BOP1: variants seen among roughly 807,000 people sequenced by gnomAD.
BOP1 encodes BOP1 ribosomal biogenesis factor.
A neutral mutation model predicts 82.9 loss-of-function variants in BOP1; 54 were observed. The observed-to-expected ratio is 0.65, with a 90% CI of 0.52 to 0.82. BOP1 has a LOEUF of 0.82. Ranked by LOEUF, BOP1 falls within the 40% of genes least tolerant of loss-of-function variation. BOP1 has a pLI of 0.00. For synonymous variants in BOP1, 566 were observed against 451.1 expected (o/e 1.25, Z -3.23); for missense variants, 1,170 against 1,072.0 (o/e 1.09, Z -1.28).
chr8:144,273,035 T>C (rs984224193), intron 3 of BOP1, among the ~76,000 whole-genome samples: 2 of 152,002 alleles, frequency 1.3e-5, no homozygotes, highest in East Asian at 2.0e-4. Context: ...GCCAGGGAGA[T>C]TGGGGCGGTC....
rs1260884041 is a variant in BOP1, at chr8:144,266,442, G to C, written c.391-1371C>G. On this transcript the variant is annotated intron_variant, in intron 3 of 15. Coordinates refer to ENST00000569669, the MANE Select transcript of BOP1 (RefSeq NM_015201.5). ...ACGCCGCTATAAAGGCGCAGCTCGG[G>C]GCCCCGCTCCGGCCCGGGACGCACA... is the stretch of plus-strand genomic sequence containing the variant. 9 of 940,586 alleles carry C rather than the reference G, an allele frequency of 9.6e-6. No individual in the cohort carries two copies. The Admixed American group carries it at 5.5e-4, about 58-fold the overall frequency. The allele number at this position is 940,586 out of a possible 1,614,324, so 58.3% of individuals were successfully genotyped here. A position where few individuals can be genotyped will look rare whatever the true frequency, so the allele number is the denominator to read the frequency against.
chr8:144,289,184 C>T lies in BOP1; in HGVS notation c.220G>A (p.Asp74Asn), dbSNP rs1814965683. Residue 74 changes from aspartate (D) to asparagine (N), a missense_variant, in exon 2 of 16, where the codon GAT (aspartate) becomes AAT (asparagine). Asp to Asn is a conservative substitution (Grantham distance 23). Transcript: ENST00000569669. ...EDSGSDSSED[D>N]DEGDEEGEDG... ...TCTCCCTCCTCGTCGCCTTCGTCATCATCCTCACTGCTGTCACTGCCGGAA... is the reference window on the plus strand; with the variant it reads ...TCTCCCTCCTCGTCGCCTTCGTCATTATCCTCACTGCTGTCACTGCCGGAA... 1 of 1,614,246 alleles carries T rather than the reference C, an allele frequency of 6.2e-7. No homozygotes were observed. The highest frequency in any genetic ancestry group is 2.2e-5 in the East Asian group (1 of 44,890).
At chr8:144,286,582 A>G (rs994330178) in intron 2 of BOP1, among the ~76,000 whole-genome samples, 1 of 144,258 alleles carries the variant, frequency 6.9e-6, no homozygotes, top group African/African-American at 2.6e-5. Context: ...ACACGCGGGC[A>G]GATGCACGGG....
chr8:144,264,220 C>G lies in BOP1; in HGVS notation c.978+5G>C. The G allele has an allele frequency of 6.2e-7, 1 of 1,607,198 alleles. No individual in the cohort carries two copies. The highest frequency in any genetic ancestry group is 8.5e-7 in the Non-Finnish European group (1 of 1,177,862). On this transcript the variant is annotated splice_donor_5th_base_variant and intron_variant, in intron 7 of 15. Transcript: ENST00000569669. Reference sequence around the variant, plus strand: ...AGGGTCCCGGCCCCCAGGATGCAGGCCCACCTCCTCCTCGCTGAGCAGGTA... The same window carrying G: ...AGGGTCCCGGCCCCCAGGATGCAGGGCCACCTCCTCCTCGCTGAGCAGGTA...
At chr8:144,270,333 GT>G (rs1845472262) in intron 3 of BOP1, among the ~76,000 whole-genome samples, 1 of 152,162 alleles carries the variant, frequency 6.6e-6, no homozygotes, top group Non-Finnish European at 1.5e-5. Context: ...GTGGACTGGG[GT>G]CAGAGTTTGG....
chr8:144,263,177 G>A (rs12549653), intron 12 of BOP1, 36 bp from the exon 13 acceptor site: 701,563 of 1,590,188 alleles, frequency 0.44, 160,767 homozygotes, highest in East Asian at 0.66. Context: ...TGGCTGAGCC[G>A]GGCCCCTCCC....
At chr8:144,268,164 G>A in intron 3 of BOP1, 2 of 1,550,472 alleles carry the variant, frequency 1.3e-6, no homozygotes, top group Non-Finnish European at 8.7e-7. Flanking sequence ...CAGCAGCCAG[G>A]AGGCAGACGC....
intron 3 of BOP1, chr8:144,266,096 G>C (rs1379112035): frequency 1.3e-5 from 2 of 152,472 alleles, no homozygotes; most frequent in Non-Finnish European, 2.9e-5. Context: ...GGGAGGCAAA[G>C]ACAGACAGGG....
chr8:144,268,530 CCCAGCCT>C (rs1197495433), intron 3 of BOP1: 12 of 291,468 alleles, frequency 4.1e-5, no homozygotes, highest in Non-Finnish European at 7.7e-5. Flanking sequence ...ACCCCCAGCC[CCCAGCCT>C]GAGCCTCCAT....
chr8:144,269,850 G>A (rs1327048834), intron 3 of BOP1, among the ~76,000 whole-genome samples: 24 of 152,276 alleles, frequency 1.6e-4, no homozygotes, highest in Middle Eastern at 3.4e-3. Flanking sequence ...GCACCAAGGC[G>A]CTGGTGAGTG....
chr8:144,267,381 G>C (rs1554837323), intron 3 of BOP1, among the ~76,000 whole-genome samples: 1 of 152,140 alleles, frequency 6.6e-6, no homozygotes, highest in Non-Finnish European at 1.5e-5. Context: ...TCGGCTCCCA[G>C]TGGAGTGTGG....
intron 3 of BOP1, among the ~76,000 whole-genome samples, chr8:144,266,310 C>A: frequency 6.6e-6 from 1 of 152,170 alleles, no homozygotes; most frequent in South Asian, 2.1e-4. Flanking sequence ...CCCCGCCCCC[C>A]CCACCCCCGC....
In BOP1 at chr8:144,262,677, G is replaced by A. The variant is rs989441030; in HGVS notation, c.1895-5C>T. On this transcript the variant is annotated splice_polypyrimidine_tract_variant and splice_region_variant and intron_variant, in intron 13 of 15. Coordinates refer to ENST00000569669, the MANE Select transcript of BOP1 (RefSeq NM_015201.5). Reference sequence around the variant, plus strand: ...TCCCACAGATGACGTTGTCACCTAGGGCCAAAGGCTGTGATGCAGGTGTTC... The same window carrying A: ...TCCCACAGATGACGTTGTCACCTAGAGCCAAAGGCTGTGATGCAGGTGTTC... The A allele has an allele frequency of 6.8e-6, 11 of 1,612,938 alleles. No individual in the cohort carries two copies. Among genetic ancestry groups the A allele is most frequent in the African/African-American group, 6.7e-5 (5 of 74,756 alleles).
Position 144,264,457 on chromosome 8 carries a change from A to AG in BOP1, c.766-21dup, listed in dbSNP as rs1413517055. On this transcript the variant is annotated intron_variant, in intron 6 of 15. Coordinates refer to ENST00000569669, the MANE Select transcript of BOP1 (RefSeq NM_015201.5). ...AGAGACCTGCATAGACAGCCGGGTC[A>AG]GGACGGGCAGTGCGGGGCGGTCAGC... is the stretch of plus-strand genomic sequence containing the variant. 1 of 1,606,328 alleles carries AG rather than the reference A, an allele frequency of 6.2e-7. No individual in the cohort carries two copies. Among genetic ancestry groups the AG allele is most frequent in the African/African-American group, 1.3e-5 (1 of 74,892 alleles).
At chr8:144,272,067 A>C (rs1845500841) in intron 3 of BOP1, among the ~76,000 whole-genome samples, 1 of 152,104 alleles carries the variant, frequency 6.6e-6, no homozygotes, top group Non-Finnish European at 1.5e-5. Flanking sequence ...AGCTGTTCCC[A>C]GGCAGAGCAC....
chr8:144,288,866 C>T (rs533318022), intron 2 of BOP1, among the ~76,000 whole-genome samples: 18 of 152,348 alleles, frequency 1.2e-4, no homozygotes, highest in Middle Eastern at 6.8e-3. Context: ...CATCGTCTGA[C>T]GGGGAAGGGC....
At chr8:144,279,802 G>A (rs782682260) in intron 2 of BOP1, among the ~76,000 whole-genome samples, 1 of 152,304 alleles carries the variant, frequency 6.6e-6, no homozygotes. Flanking sequence ...TGGCACAGGA[G>A]ACCACGTCCT....
chr8:144,283,115 T>C (rs1220496727), intron 2 of BOP1, among the ~76,000 whole-genome samples: 1 of 145,462 alleles, frequency 6.9e-6, no homozygotes, highest in Non-Finnish European at 1.5e-5. Flanking sequence ...CGAGAATCGC[T>C]TGAACCCAGG....
intron 2 of BOP1, among the ~76,000 whole-genome samples, chr8:144,285,777 GT>G (rs1282748259): frequency 6.6e-6 from 1 of 152,248 alleles, no homozygotes; most frequent in Non-Finnish European, 1.5e-5. Flanking sequence ...CCAGATGGCT[GT>G]GGCGGGCGAG....
Sources: gnomAD v4.1 joint callset for allele counts (sites outside exome capture counted in the v4.1 genomes callset) on GRCh38, gnomAD v4.1.1 for gene constraint, MANE v1.5 for transcripts, NCBI Gene and HGNC (gene_info 2026-07-23, HGNC 2026-07-21) for gene names.